The following ZNF536 variants were observed in gnomAD, a reference collection of about 807,000 sequenced individuals.
ZNF536 encodes the protein zinc finger protein 536.
ZNF536 carries 13 observed loss-of-function variants against 84.5 expected under a neutral mutation model. The observed-to-expected ratio is 0.15, with a 90% confidence interval of 0.10 to 0.24. ZNF536 has a LOEUF of 0.24. Among genes scored for constraint, ZNF536 ranks in the 10% least tolerant of loss-of-function variants. The pLI, the probability that ZNF536 is intolerant of heterozygous loss-of-function variation, is 1.00. For synonymous variants in ZNF536, 811 were observed against 742.5 expected (o/e 1.09, Z -1.50); for missense variants, 1,536 against 1,747.5 (o/e 0.88, Z 2.16).
At chr19:30,674,666 G>A (rs974218518) in intron 1 of ZNF536, among the ~76,000 whole-genome samples, 6 of 152,312 alleles carry the variant, frequency 3.9e-5, no homozygotes, top group African/African-American at 1.4e-4. Flanking sequence ...GCTGCCCATC[G>A]TGGGTGGAGG....
chr19:30,597,757 A>C (rs2047517001), intron 1 of ZNF536, among the ~76,000 whole-genome samples: 1 of 152,002 alleles, frequency 6.6e-6, no homozygotes, highest in Admixed American at 6.5e-5. Context: ...TGGTATGCAT[A>C]GTTTTGTTGT....
chr19:30,605,567 T>A (rs2047840160), intron 1 of ZNF536, among the ~76,000 whole-genome samples: 1 of 152,220 alleles, frequency 6.6e-6, no homozygotes, highest in Non-Finnish European at 1.5e-5. Flanking sequence ...TATACTGTAT[T>A]TTCGTTATCC....
chr19:30,305,046 G>A (rs2046303781), intron 2 of ZNF536, among the ~76,000 whole-genome samples: 1 of 152,244 alleles, frequency 6.6e-6, no homozygotes, highest in Non-Finnish European at 1.5e-5. Flanking sequence ...GAGTAGCCCA[G>A]AGAGGAGTAG....
intron 2 of ZNF536, among the ~76,000 whole-genome samples, chr19:30,503,591 A>C (rs1048256270): frequency 3.3e-5 from 5 of 152,250 alleles, no homozygotes; most frequent in African/African-American, 1.2e-4. Flanking sequence ...AAACATTCTC[A>C]AAGTTGCTTA....
chr19:30,494,909 A>T (rs186986616), intron 2 of ZNF536, among the ~76,000 whole-genome samples: 1 of 141,580 alleles, frequency 7.1e-6, no homozygotes, highest in South Asian at 2.3e-4. Context: ...TCATACCACT[A>T]CACTCCAGCC....
chr19:30,498,768 T>A (rs953389131), intron 2 of ZNF536, among the ~76,000 whole-genome samples: 1 of 152,084 alleles, frequency 6.6e-6, no homozygotes, highest in African/African-American at 2.4e-5. Flanking sequence ...GGTGACTGCG[T>A]GGGGACCCAT....
intron 1 of ZNF536, among the ~76,000 whole-genome samples, chr19:30,390,759 A>G (rs541452749): frequency 3.1e-4 from 47 of 152,288 alleles, no homozygotes; most frequent in Non-Finnish European, 6.2e-4. Flanking sequence ...GGAGGATTCT[A>G]ATCAAGTGAC....
At chr19:30,605,208 TG>T (rs569712874) in intron 1 of ZNF536, among the ~76,000 whole-genome samples, 2 of 152,222 alleles carry the variant, frequency 1.3e-5, no homozygotes, top group African/African-American at 4.8e-5. Flanking sequence ...TCCATAGTTT[TG>T]GGGGGTGCAG....
intron 3 of ZNF536, among the ~76,000 whole-genome samples, chr19:30,353,791 A>G (rs1231401774): frequency 6.6e-6 from 1 of 152,206 alleles, no homozygotes; most frequent in African/African-American, 2.4e-5. Flanking sequence ...CAAAACACAG[A>G]TGGAGGAGTT....
intron 1 of ZNF536, among the ~76,000 whole-genome samples, chr19:30,283,146 G>A (rs568241571): frequency 1.1e-4 from 17 of 152,312 alleles, no homozygotes; most frequent in African/African-American, 3.6e-4. Context: ...AATCCATAGC[G>A]AAATTCTACC....
intron 1 of ZNF536, among the ~76,000 whole-genome samples, chr19:30,589,867 C>A (rs1242246388): frequency 6.6e-6 from 1 of 152,170 alleles, no homozygotes; most frequent in Non-Finnish European, 1.5e-5. Flanking sequence ...AAAATGTCTG[C>A]AGACAGAAAT....
chr19:30,229,506 T>A (rs2144612038), intron 1 of ZNF536, among the ~76,000 whole-genome samples: 1 of 152,308 alleles, frequency 6.6e-6, no homozygotes, highest in South Asian at 2.1e-4. Flanking sequence ...CTAGTTCTTG[T>A]TTGCCGGCCA....
chr19:30,346,760 G>T (rs908546255), intron 2 of ZNF536, among the ~76,000 whole-genome samples: 3 of 152,144 alleles, frequency 2.0e-5, no homozygotes, highest in African/African-American at 7.2e-5. Flanking sequence ...GAGCATTTAG[G>T]TTGATTCCAT....
intron 1 of ZNF536, among the ~76,000 whole-genome samples, chr19:30,269,975 C>G (rs185040395): frequency 6.6e-6 from 1 of 152,170 alleles, no homozygotes; most frequent in African/African-American, 2.4e-5. Context: ...CTTTATATAT[C>G]CCTCTGAACT....
chr19:30,328,117 T>C (rs1215934020), intron 2 of ZNF536, among the ~76,000 whole-genome samples: 3 of 152,152 alleles, frequency 2.0e-5, no homozygotes, highest in African/African-American at 7.2e-5. Context: ...TGATCATGAC[T>C]CTCATATTGG....
intron 1 of ZNF536, among the ~76,000 whole-genome samples, chr19:30,659,231 A>T (rs1357116868): frequency 1.3e-5 from 2 of 148,150 alleles, no homozygotes; most frequent in Admixed American, 1.3e-4. Context: ...GGAGGCCTCA[A>T]GAAACTTAGT....
intron 2 of ZNF536, among the ~76,000 whole-genome samples, chr19:30,323,209 C>T (rs555661861): frequency 6.8e-4 from 103 of 152,312 alleles, no homozygotes; most frequent in African/African-American, 2.1e-3. Flanking sequence ...GCCTGCTGAA[C>T]GTGAAGGCAA....
At chr19:30,494,752 C>T (rs890011635) in intron 2 of ZNF536, among the ~76,000 whole-genome samples, 1 of 152,010 alleles carries the variant, frequency 6.6e-6, no homozygotes, top group African/African-American at 2.4e-5. Flanking sequence ...TCAAGAACAG[C>T]CTGGCCAACA....
chr19:30,656,260 T>A (rs2049909719), intron 1 of ZNF536, among the ~76,000 whole-genome samples: 1 of 152,188 alleles, frequency 6.6e-6, no homozygotes, highest in Non-Finnish European at 1.5e-5. Context: ...CTGTGCTTTA[T>A]ATGATGAATT....
Sources: gnomAD v4.1 joint callset for allele counts (sites outside exome capture counted in the v4.1 genomes callset) on GRCh38, gnomAD v4.1.1 for gene constraint, MANE v1.5 for transcripts, NCBI Gene and HGNC (gene_info 2026-07-23, HGNC 2026-07-21) for gene names.